PDE8B: variants seen among roughly 807,000 people sequenced by gnomAD.
PDE8B encodes phosphodiesterase 8B, also known as high affinity cAMP-specific and IBMX-insensitive 3',5'-cyclic phosphodiesterase 8B.
PDE8B carries 26 observed loss-of-function variants against 101.3 expected under a neutral mutation model. That is an observed-to-expected ratio of 0.26 (90% CI 0.19 to 0.36). The LOEUF is 0.36. Among genes scored for constraint, PDE8B ranks in the 10% least tolerant of loss-of-function variants. The probability of loss-of-function intolerance (pLI) is 1.00; values close to 1 mark genes in which losing one functional copy is unlikely to be tolerated. For missense variants in PDE8B, 810 were observed against 1,163.1 expected, an observed-to-expected ratio of 0.70 and a Z score of 4.42; for synonymous variants, 424 against 429.3, an observed-to-expected ratio of 0.99 and a Z score of 0.15.
intron 10 of PDE8B, among the ~76,000 whole-genome samples, chr5:77,367,530 C>CT (rs3031815): frequency 0.014 from 1,559 of 109,408 alleles, 20 homozygotes; most frequent in African/African-American, 0.024. Context: ...CTTTTTCTCT[C>CT]TTTTTTTTTT....
chr5:77,124,954 A>G, the PDE8B span, among the ~76,000 whole-genome samples: 157 of 152,338 alleles, frequency 1.0e-3, no homozygotes, highest in African/African-American at 3.6e-3. Flanking sequence ...AAATTTCTAA[A>G]TTCTTCACAC....
intron 1 of PDE8B, among the ~76,000 whole-genome samples, chr5:77,258,269 A>G (rs114759897): frequency 0.021 from 2,944 of 141,402 alleles, 92 homozygotes; most frequent in African/African-American, 0.074. Context: ...AGCCTGGGTG[A>G]CAAAAGCGAG....
the PDE8B span, chr5:77,148,339 A>T: frequency 1.3e-5 from 2 of 152,212 alleles, no homozygotes; most frequent in African/African-American, 2.4e-5. Flanking sequence ...GTTGCTGTAA[A>T]CATTCATGTA....
intron 20 of PDE8B, among the ~76,000 whole-genome samples, chr5:77,425,548 G>A (rs140523343): frequency 7.9e-5 from 12 of 152,186 alleles, no homozygotes; most frequent in Admixed American, 2.6e-4. Flanking sequence ...GTGAGACACT[G>A]TCTCAAAAAC....
chr5:77,238,074 C>T (rs538386910), intron 1 of PDE8B, among the ~76,000 whole-genome samples: 3 of 152,184 alleles, frequency 2.0e-5, no homozygotes, highest in Admixed American at 6.5e-5. Context: ...ACATGGATTT[C>T]TTGGAGTTTA....
intron 21 of PDE8B, 127 bp from the exon 22 acceptor site, chr5:77,426,318 T>C (rs1798126261): frequency 1.4e-6 from 1 of 717,258 alleles, no homozygotes; most frequent in Non-Finnish European, 2.6e-6. Context: ...TGACTTGTCC[T>C]CATGCTTCGC....
chr5:77,375,145 A>G (rs1289114815), intron 10 of PDE8B, among the ~76,000 whole-genome samples: 1 of 152,212 alleles, frequency 6.6e-6, no homozygotes, highest in East Asian at 1.9e-4. Flanking sequence ...GTGGACACTA[A>G]CGAAGCTCTC....
chr5:77,100,469 G>T, the PDE8B span: 1 of 152,274 alleles, frequency 6.6e-6, no homozygotes, highest in African/African-American at 2.4e-5. Flanking sequence ...GAAAGAAAAG[G>T]CAAACCAATA....
At chr5:77,157,740 A>G in the PDE8B span, among the ~76,000 whole-genome samples, 7 of 152,376 alleles carry the variant, frequency 4.6e-5, no homozygotes, top group African/African-American at 1.7e-4. Context: ...ATGAAACCTC[A>G]GTTCCCCACA....
chr5:77,276,293 T>C (rs796327624), intron 1 of PDE8B, among the ~76,000 whole-genome samples: 11 of 152,320 alleles, frequency 7.2e-5, no homozygotes, highest in African/African-American at 2.6e-4. Context: ...CTCTTCTCTG[T>C]ATGAGGAGGC....
chr5:77,353,406 G>A lies in PDE8B; in HGVS notation c.1167G>A (p.Gln389=). 2 of 1,586,104 alleles carry A rather than the reference G, an allele frequency of 1.3e-6. No individual in the cohort carries two copies. The highest frequency in any genetic ancestry group is 8.7e-7 in the Non-Finnish European group (1 of 1,154,518). Residue 389 remains glutamine (Q), a splice_region_variant and synonymous_variant, in exon 10 of 22, where the codon CAG becomes CAA. Coordinates refer to ENST00000264917, the MANE Select transcript of PDE8B (RefSeq NM_003719.5). Reference sequence around the variant, plus strand: ...GTTGTACCACTGACAATAATAAGCAGGTATGGTATTAGCTCACTTCGTTTG... The same window carrying A: ...GTTGTACCACTGACAATAATAAGCAAGTATGGTATTAGCTCACTTCGTTTG... ...KLCCTTDNNK[Q]IHKIHRDSGD...
Position 77,371,953 on chromosome 5 carries a change from C to T in PDE8B, c.1167+18547C>T, listed in dbSNP as rs149598666. On this transcript the variant is annotated intron_variant, in intron 10 of 21. Transcript: ENST00000264917. Reference sequence around the variant, plus strand: ...CAGTGGCTCACGCCTGTAATCCCAACACTTTGGGAGGCCGAGGTTGGCATA... The same window carrying T: ...CAGTGGCTCACGCCTGTAATCCCAATACTTTGGGAGGCCGAGGTTGGCATA... Among the ~76,000 whole-genome samples, 38 of 152,282 alleles carry T rather than the reference C, an allele frequency of 2.5e-4. 1 individual carries two copies. The East Asian group carries it at 6.4e-3, about 26-fold the overall frequency.
chr5:77,117,629 T>C, the PDE8B span, among the ~76,000 whole-genome samples: 1 of 152,114 alleles, frequency 6.6e-6, no homozygotes, highest in African/African-American at 2.4e-5. Context: ...GAGATCCTTG[T>C]TTACTATATA....
intron 9 of PDE8B, among the ~76,000 whole-genome samples, chr5:77,351,434 C>A (rs1781103127): frequency 6.6e-6 from 1 of 152,324 alleles, no homozygotes; most frequent in South Asian, 2.1e-4. Context: ...TTCTGGGCTT[C>A]CCTTTCCCCA....
the PDE8B span, chr5:77,112,181 G>A: frequency 6.6e-6 from 1 of 152,092 alleles, no homozygotes; most frequent in African/African-American, 2.4e-5. Flanking sequence ...AGTGGCTAGT[G>A]GCTACTGTAC....
At chr5:77,157,499 G>T in the PDE8B span, among the ~76,000 whole-genome samples, 2 of 152,332 alleles carry the variant, frequency 1.3e-5, no homozygotes, top group African/African-American at 4.8e-5. Context: ...CATGAGGGTG[G>T]CTGTGAAGAC....
At position 77,339,101 on chromosome 5, in the gene PDE8B, T is replaced by C. The variant is rs1413224668; in HGVS notation, c.797+1786T>C. On this transcript the variant is annotated intron_variant, in intron 6 of 21. Coordinates refer to ENST00000264917, the MANE Select transcript of PDE8B (RefSeq NM_003719.5). ...AAGAAAAGCCTTCAGGTTATTGTACTGCTGAAATCTGTTTAGAGCCAGGGC... is the reference window on the plus strand; with the variant it reads ...AAGAAAAGCCTTCAGGTTATTGTACCGCTGAAATCTGTTTAGAGCCAGGGC... 3.3e-5 allele frequency among the ~76,000 whole-genome samples: 5 copies of C among 152,204 alleles called. No individual in the cohort carries two copies. The South Asian group carries it at 1.0e-3, about 31-fold the overall frequency.
At chr5:77,372,939 A>G (rs1031904016) in intron 10 of PDE8B, among the ~76,000 whole-genome samples, 1 of 152,188 alleles carries the variant, frequency 6.6e-6, no homozygotes, top group Non-Finnish European at 1.5e-5. Flanking sequence ...GAGGCAGGAG[A>G]ATCACTTTAA....
chr5:77,131,451 T>C, the PDE8B span, among the ~76,000 whole-genome samples: 1 of 152,306 alleles, frequency 6.6e-6, no homozygotes, highest in East Asian at 1.9e-4. Context: ...TCTTCTACCA[T>C]CTAGAGATGG....
Sources: gnomAD v4.1 joint callset for allele counts (sites outside exome capture counted in the v4.1 genomes callset) on GRCh38, gnomAD v4.1.1 for gene constraint, MANE v1.5 for transcripts, NCBI Gene and HGNC (gene_info 2026-07-23, HGNC 2026-07-21) for gene names.